The following EDN2 variants were observed in gnomAD, a reference collection of about 807,000 sequenced individuals.
The protein encoded by EDN2 is endothelin-2.
A neutral mutation model predicts 19.9 loss-of-function variants in EDN2; 10 were observed. The observed-to-expected ratio is 0.50, with a 90% CI of 0.31 to 0.85. EDN2 has a LOEUF of 0.85. Among genes scored for constraint, EDN2 ranks in the 40% least tolerant of loss-of-function variants. The probability of loss-of-function intolerance (pLI) is 0.05; values close to 1 mark genes in which losing one functional copy is unlikely to be tolerated. For missense variants in EDN2, 222 were observed against 239.3 expected, an observed-to-expected ratio of 0.93 and a Z score of 0.48; for synonymous variants, 84 against 94.9, an observed-to-expected ratio of 0.89 and a Z score of 0.67.
chr1:41,484,381 C>A (rs942798776), intron 1 of EDN2, among the ~76,000 whole-genome samples, 157 bp downstream of exon 1: 5 of 152,224 alleles, frequency 3.3e-5, no homozygotes, highest in Non-Finnish European at 5.9e-5. Flanking sequence ...AGCCTGGGCA[C>A]CTCTGTATTT....
At chr1:41,483,248 T>G (rs1644263622) in intron 2 of EDN2, among the ~76,000 whole-genome samples, 2 of 152,196 alleles carry the variant, frequency 1.3e-5, no homozygotes, top group African/African-American at 2.4e-5. Flanking sequence ...ACAGAGCTAA[T>G]TTTAGATGGT....
At chr1:41,482,945 C>G (rs1431742639) in intron 2 of EDN2, 1 of 164,346 alleles carries the variant, frequency 6.1e-6, no homozygotes, top group Non-Finnish European at 1.3e-5. Context: ...TAGTCTCTCT[C>G]CCCTCTCAGA....
chr1:41,479,234 G>C lies in EDN2; in HGVS notation c.*175C>G. 1.4e-6 allele frequency: 1 copy of C among 701,746 alleles called. No individual in the cohort carries two copies. Among genetic ancestry groups the C allele is most frequent in the Non-Finnish European group, 2.6e-6 (1 of 386,654 alleles). The allele number at this position is 701,746 out of a possible 1,614,324, so 43.5% of individuals were successfully genotyped here. On this transcript the variant is annotated 3_prime_UTR_variant, in exon 5 of 5. Coordinates refer to ENST00000372587, the MANE Select transcript of EDN2 (RefSeq NM_001956.5). ...CTGGGCAGTGCGAGGACACAGAACTGCCTTGGACGAGGCTCCCTCACCAGG... is the reference window on the plus strand; with the variant it reads ...CTGGGCAGTGCGAGGACACAGAACTCCCTTGGACGAGGCTCCCTCACCAGG...
At position 41,479,342 on chromosome 1, in the gene EDN2, C is replaced by A. The variant is rs1292294342; in HGVS notation, c.*67G>T. 3 of 1,356,344 alleles carry A rather than the reference C, an allele frequency of 2.2e-6. No individual in the cohort carries two copies. The highest frequency in any genetic ancestry group is 3.2e-6 in the Non-Finnish European group (3 of 950,878). 84.0% of individuals were successfully genotyped at this position (1,356,344 alleles called of 1,614,324 possible). On this transcript the variant is annotated 3_prime_UTR_variant, in exon 5 of 5. Transcript: ENST00000372587. ...AGGAAGCAGGCAGAGAGTCCACAAG[C>A]CCTGGCCACTTCTCTCCTCCTCTCT...
intron 3 of EDN2, 138 bp from the exon 4 acceptor site, chr1:41,481,331 C>G: frequency 1.6e-6 from 1 of 631,362 alleles, no homozygotes; most frequent in Non-Finnish European, 2.8e-6. Context: ...CCCCTGTGCA[C>G]CTGGCATCTT....
intron 4 of EDN2, chr1:41,480,849 A>T: frequency 1.5e-6 from 1 of 660,406 alleles, no homozygotes; most frequent in Non-Finnish European, 2.8e-6. Context: ...TGAGCCTTCA[A>T]ACCCTCTAAA....
rs928086147 is a variant in EDN2 at position 41,481,279 on chromosome 1, C to G, written c.345-86G>C. ...TGCAGGCCCAGCCCAGCCCCCACCC[C>G]TTCCCCATCCCCACCTGCCTGCGGG... On this transcript the variant is annotated intron_variant, in intron 3 of 4. Coordinates refer to ENST00000372587, the MANE Select transcript of EDN2 (RefSeq NM_001956.5). The G allele has an allele frequency of 9.3e-6, 10 of 1,073,704 alleles. No individual in the cohort carries two copies. The African/African-American group carries it at 1.3e-4, about 13-fold the overall frequency. 66.5% of individuals were successfully genotyped at this position (1,073,704 alleles called of 1,614,324 possible).
chr1:41,481,270 C>A, intron 3 of EDN2, 77 bp from the exon 4 acceptor site: 1 of 1,228,060 alleles, frequency 8.1e-7, no homozygotes, highest in Non-Finnish European at 1.2e-6. Context: ...CCCAGCCCAG[C>A]CCCCACCCCT....
intron 2 of EDN2, 76 bp from the exon 3 acceptor site, chr1:41,482,664 A>T (rs1553212880): frequency 1.4e-6 from 2 of 1,466,698 alleles, no homozygotes; most frequent in South Asian, 2.8e-5. Flanking sequence ...AAAGAGAGAG[A>T]GGATTAAATA....
intron 4 of EDN2, chr1:41,480,685 G>A (rs1171408608): frequency 4.3e-6 from 2 of 462,986 alleles, no homozygotes; most frequent in South Asian, 1.5e-5. Flanking sequence ...CCTCCTGGGG[G>A]CCAGGTCTGA....
chr1:41,480,450 C>T (rs972638612), intron 4 of EDN2, among the ~76,000 whole-genome samples: 2 of 152,200 alleles, frequency 1.3e-5, no homozygotes, highest in African/African-American at 2.4e-5. Flanking sequence ...CAACCCCAGG[C>T]GGGGATGGAT....
Position 41,484,568 on chromosome 1 carries a change from C to T in EDN2, c.34G>A (p.Ala12Thr). Residue 12 changes from alanine (A) to threonine (T), a missense_variant, in exon 1 of 5, where the codon GCG becomes ACG. By Grantham distance (58) the Ala-to-Thr change is moderately conservative (BLOSUM62 0). Transcript: ENST00000372587. The stretch of plus-strand genomic sequence containing the variant: ...TGCAGGGCCACGAGCAGGGCTAGCG[C>T]AACGGAGCACCAGGTGGTAGGCACG... ...VSVPTTWCSV[A>T]LALLVALHEG... is the part of the protein sequence containing the mutation. The T allele has an allele frequency of 6.4e-7, 1 of 1,559,262 alleles. No homozygotes were observed. Among genetic ancestry groups the T allele is most frequent in the Non-Finnish European group, 8.7e-7 (1 of 1,151,630 alleles).
Position 41,479,091 on chromosome 1 carries a change from A to G in EDN2, c.*318T>C, listed in dbSNP as rs975769579. On this transcript the variant is annotated 3_prime_UTR_variant, in exon 5 of 5. Transcript: ENST00000372587. ...CCTGGTTTGTAGCCCAGCAGACAGG[A>G]CACTCCTCAGGACGCAGCCTCCAGA... 7.2e-6 allele frequency: 3 copies of G among 414,152 alleles called. No homozygotes were observed. Among genetic ancestry groups the G allele is most frequent in the Non-Finnish European group, 1.4e-5 (3 of 215,832 alleles). 25.7% of individuals were successfully genotyped at this position (414,152 alleles called of 1,614,324 possible).
chr1:41,478,822 G>T lies in EDN2; in HGVS notation c.*587C>A, dbSNP rs2149036255. 5.9e-6 allele frequency: 1 copy of T among 169,252 alleles called. No homozygotes were observed. Among genetic ancestry groups the T allele is most frequent in the Admixed American group, 5.5e-5 (1 of 18,272 alleles). 10.5% of individuals were successfully genotyped at this position (169,252 alleles called of 1,614,324 possible). A position where few individuals can be genotyped will look rare whatever the true frequency, so the allele number is the denominator to read the frequency against. Reference sequence around the variant, plus strand: ...ACACAAGTTCGCAGGTAAATAGAGGGTCTAAAAAATACATTAAAATAAATA... The same window carrying T: ...ACACAAGTTCGCAGGTAAATAGAGGTTCTAAAAAATACATTAAAATAAATA... On this transcript the variant is annotated 3_prime_UTR_variant, in exon 5 of 5. Coordinates refer to ENST00000372587, the MANE Select transcript of EDN2 (RefSeq NM_001956.5).
In EDN2 at chr1:41,480,366, AC is replaced by A. The variant is rs1425985455; in HGVS notation, c.443+728del. Among the ~76,000 whole-genome samples the A allele has an allele frequency of 5.9e-5, 9 of 152,110 alleles. No individual in the cohort carries two copies. The East Asian group carries it at 1.2e-3, about 20-fold the overall frequency. On this transcript the variant is annotated intron_variant, in intron 4 of 4. Coordinates refer to ENST00000372587, the MANE Select transcript of EDN2 (RefSeq NM_001956.5). ...TCAGTGACAGAAGTGGGAATGGCAA[AC>A]CCCTCCACAGCTCCCACGGGCACAG...
Position 41,479,391 on chromosome 1 carries a change from T to A in EDN2, c.*18A>T, listed in dbSNP as rs369830987. The A allele has an allele frequency of 1.0e-5, 16 of 1,605,900 alleles. No homozygotes were observed. The Middle Eastern group carries it at 6.6e-4, about 66-fold the overall frequency. On this transcript the variant is annotated 3_prime_UTR_variant, in exon 5 of 5. Coordinates refer to ENST00000372587, the MANE Select transcript of EDN2 (RefSeq NM_001956.5). Reference sequence around the variant, plus strand: ...CTCCCCGCGGGCTTCCTTCCCAATGTTCCTCCAGCTCACGACACTATCTCT... The same window carrying A: ...CTCCCCGCGGGCTTCCTTCCCAATGATCCTCCAGCTCACGACACTATCTCT...
chr1:41,481,712 T>C (rs1036893085), intron 3 of EDN2, among the ~76,000 whole-genome samples: 1 of 152,070 alleles, frequency 6.6e-6, no homozygotes, highest in Non-Finnish European at 1.5e-5. Context: ...GCAATTTTTT[T>C]ATATTTTTAG....
intron 2 of EDN2, 78 bp from the exon 3 acceptor site, chr1:41,482,666 G>T (rs1042699386): frequency 3.4e-6 from 5 of 1,459,610 alleles, no homozygotes; most frequent in Admixed American, 2.8e-5. Flanking sequence ...AGAGAGAGAG[G>T]ATTAAATAAA....
chr1:41,484,470 C>A (rs887371103), intron 1 of EDN2, 68 bp downstream of exon 1: 4 of 1,539,064 alleles, frequency 2.6e-6, no homozygotes, highest in Non-Finnish European at 3.5e-6. Flanking sequence ...GGCACTGCAG[C>A]CCTAGAGGGA....
Sources: gnomAD v4.1 joint callset for allele counts (sites outside exome capture counted in the v4.1 genomes callset) on GRCh38, gnomAD v4.1.1 for gene constraint, MANE v1.5 for transcripts, NCBI Gene and HGNC (gene_info 2026-07-23, HGNC 2026-07-21) for gene names.